MAF: variants seen among roughly 807,000 people sequenced by gnomAD.
The protein encoded by MAF is MAF bZIP transcription factor, also known as transcription factor Maf.
In MAF, 10 loss-of-function variants were observed where a neutral mutation model predicts 22.0. The observed-to-expected ratio is 0.45, with a 90% CI of 0.28 to 0.77. MAF has a LOEUF of 0.77. Ranked by LOEUF, MAF falls within the 30% of genes least tolerant of loss-of-function variation. The pLI is 0.12. For synonymous variants in MAF, 337 were observed against 255.8 expected (o/e 1.32, Z -3.03); for missense variants, 544 against 548.4 (o/e 0.99, Z 0.08).
At chr16:79,210,754 T>A in the MAF span, among the ~76,000 whole-genome samples, 1 of 151,948 alleles carries the variant, frequency 6.6e-6, no homozygotes, top group Non-Finnish European at 1.5e-5. Context: ...GCCCTCTTTA[T>A]AGCATCCCTG....
chr16:79,309,412 T>C, the MAF span, among the ~76,000 whole-genome samples: 2 of 152,240 alleles, frequency 1.3e-5, no homozygotes, highest in Non-Finnish European at 2.9e-5. Context: ...GCTTTTCTCA[T>C]ACCCCACTTC....
chr16:79,318,700 C>T, the MAF span, among the ~76,000 whole-genome samples: 1 of 152,192 alleles, frequency 6.6e-6, no homozygotes, highest in South Asian at 2.1e-4. Flanking sequence ...ATGACACATC[C>T]TGTCACTTAA....
chr16:79,517,284 G>C, the MAF span, among the ~76,000 whole-genome samples: 2 of 152,184 alleles, frequency 1.3e-5, no homozygotes, highest in Non-Finnish European at 2.9e-5. Flanking sequence ...AGAGAGTACT[G>C]ATGTGGGAAA....
the MAF span, among the ~76,000 whole-genome samples, chr16:79,253,322 C>T: frequency 6.6e-6 from 1 of 152,202 alleles, no homozygotes; most frequent in Non-Finnish European, 1.5e-5. Context: ...TGGCTGAGCT[C>T]CCGGGCCTTT....
chr16:79,436,032 G>T, the MAF span, among the ~76,000 whole-genome samples: 1 of 152,138 alleles, frequency 6.6e-6, no homozygotes, highest in African/African-American at 2.4e-5. Flanking sequence ...CAAAACCTAT[G>T]ACTCAATTTG....
chr16:79,534,965 T>A, the MAF span, among the ~76,000 whole-genome samples: 1 of 152,226 alleles, frequency 6.6e-6, no homozygotes, highest in African/African-American at 2.4e-5. Flanking sequence ...ACAACAAAAA[T>A]ATCCCCTCCT....
the MAF span, among the ~76,000 whole-genome samples, chr16:79,556,509 T>G: frequency 2.0e-5 from 3 of 152,332 alleles, no homozygotes; most frequent in African/African-American, 7.2e-5. Context: ...GACTGTAAGC[T>G]GAGACATTAT....
At chr16:79,241,826 C>T in the MAF span, among the ~76,000 whole-genome samples, 5 of 152,086 alleles carry the variant, frequency 3.3e-5, 1 homozygote, top group African/African-American at 4.8e-5. Context: ...GGAAGCCCAT[C>T]AGACTAACAG....
chr16:79,543,326 C>G, the MAF span, among the ~76,000 whole-genome samples: 4 of 152,212 alleles, frequency 2.6e-5, no homozygotes, highest in Non-Finnish European at 5.9e-5. Context: ...CAATCCCGGT[C>G]AGACACCATG....
At chr16:79,312,994 G>A in the MAF span, among the ~76,000 whole-genome samples, 2 of 152,200 alleles carry the variant, frequency 1.3e-5, no homozygotes, top group Admixed American at 1.3e-4. Flanking sequence ...GAAGTTGCAT[G>A]CAATTAAAAG....
the MAF span, among the ~76,000 whole-genome samples, chr16:79,293,642 A>C: frequency 2.0e-5 from 3 of 152,150 alleles, no homozygotes; most frequent in African/African-American, 7.2e-5. Flanking sequence ...GCTATTCCAG[A>C]ACTCAGATGA....
the MAF span, among the ~76,000 whole-genome samples, chr16:79,475,335 G>GAT: frequency 0.086 from 12,662 of 147,230 alleles, 540 homozygotes; most frequent in Non-Finnish European, 0.095. Flanking sequence ...TATATATGGA[G>GAT]ATATATATAT....
At chr16:79,397,987 T>C in the MAF span, among the ~76,000 whole-genome samples, 5 of 152,244 alleles carry the variant, frequency 3.3e-5, no homozygotes, top group East Asian at 9.6e-4. Flanking sequence ...AAATTTATTA[T>C]CTCACAGTTC....
the MAF span, among the ~76,000 whole-genome samples, chr16:79,496,270 T>C: frequency 6.6e-6 from 1 of 152,164 alleles, no homozygotes; most frequent in Non-Finnish European, 1.5e-5. Flanking sequence ...AGAGAAGAGT[T>C]TGGCTGCATT....
chr16:79,492,751 G>A, the MAF span, among the ~76,000 whole-genome samples: 1 of 152,096 alleles, frequency 6.6e-6, no homozygotes, highest in Non-Finnish European at 1.5e-5. Context: ...CATACTCATG[G>A]GAGAAAGAGG....
the MAF span, among the ~76,000 whole-genome samples, chr16:79,491,701 T>G: frequency 6.6e-6 from 1 of 152,154 alleles, no homozygotes; most frequent in Non-Finnish European, 1.5e-5. Context: ...CGCCAACTGA[T>G]GAACAATTTT....
intron 1 of MAF, chr16:79,598,103 T>A: frequency 8.3e-5 from 87 of 1,043,946 alleles, no homozygotes; most frequent in Non-Finnish European, 9.9e-5. Context: ...CATTTCACAT[T>A]TTTTTTTCCT....
chr16:79,258,072 C>G, the MAF span, among the ~76,000 whole-genome samples: 1 of 152,162 alleles, frequency 6.6e-6, no homozygotes, highest in Non-Finnish European at 1.5e-5. Context: ...AGCTGCTTTG[C>G]GTGTTTAACC....
chr16:79,538,036 A>G, the MAF span, among the ~76,000 whole-genome samples: 1 of 152,238 alleles, frequency 6.6e-6, no homozygotes, highest in Non-Finnish European at 1.5e-5. Context: ...CTGGCTGCAG[A>G]GTGCAGAGTG....
Sources: gnomAD v4.1 joint callset for allele counts (sites outside exome capture counted in the v4.1 genomes callset) on GRCh38, gnomAD v4.1.1 for gene constraint, MANE v1.5 for transcripts, NCBI Gene and HGNC (gene_info 2026-07-23, HGNC 2026-07-21) for gene names.